Variants in SLC39A12 observed in about 807,000 individuals in gnomAD.
The protein encoded by SLC39A12 is zinc transporter ZIP12.
A neutral mutation model predicts 71.1 loss-of-function variants in SLC39A12; 63 were observed. That is an observed-to-expected ratio of 0.89 (90% CI 0.72 to 1.09). SLC39A12 has a LOEUF of 1.09. Ranked by LOEUF, SLC39A12 falls within the 50% of genes least tolerant of loss-of-function variation. SLC39A12 has a pLI of 0.00. For synonymous variants in SLC39A12, 351 were observed against 301.3 expected, an observed-to-expected ratio of 1.16 and a Z score of -1.71; for missense variants, 892 against 812.6, an observed-to-expected ratio of 1.10 and a Z score of -1.19.
chr10:17,986,980 G>A (rs1835415319), intron 6 of SLC39A12, among the ~76,000 whole-genome samples: 1 of 152,106 alleles, frequency 6.6e-6, no homozygotes, highest in Non-Finnish European at 1.5e-5. Context: ...ACCCCAGCTT[G>A]AGCAGCAGAG....
chr10:17,962,557 T>A (rs1564639052), intron 3 of SLC39A12, among the ~76,000 whole-genome samples: 1 of 152,124 alleles, frequency 6.6e-6, no homozygotes, highest in Non-Finnish European at 1.5e-5. Flanking sequence ...CGGGTTTTTT[T>A]TTTTTTAAAG....
chr10:18,033,072 T>C (rs1836896353), intron 12 of SLC39A12, among the ~76,000 whole-genome samples: 1 of 150,912 alleles, frequency 6.6e-6, no homozygotes, highest in Non-Finnish European at 1.5e-5. Flanking sequence ...TTGAGGATTT[T>C]TGCATCAATG....
intron 12 of SLC39A12, among the ~76,000 whole-genome samples, chr10:18,025,082 T>C (rs1836638072): frequency 6.6e-6 from 1 of 152,204 alleles, no homozygotes. Flanking sequence ...ACTGTTATAG[T>C]GATTGCTTAG....
intron 12 of SLC39A12, among the ~76,000 whole-genome samples, chr10:18,029,454 A>G (rs770685246): frequency 6.6e-6 from 1 of 152,134 alleles, no homozygotes; most frequent in African/African-American, 2.4e-5. Context: ...CTTTGCACCT[A>G]CTGATTTAGG....
chr10:18,013,324 A>G (rs947514300), intron 12 of SLC39A12, among the ~76,000 whole-genome samples: 5 of 147,834 alleles, frequency 3.4e-5, no homozygotes, highest in Non-Finnish European at 6.0e-5. Flanking sequence ...TATATATGGT[A>G]TTAGGTAAAC....
intron 10 of SLC39A12, among the ~76,000 whole-genome samples, chr10:17,999,022 T>A (rs941273869): frequency 2.6e-4 from 40 of 152,016 alleles, no homozygotes. Flanking sequence ...TTAGGCCAGG[T>A]GCAGTGGCTA....
At chr10:18,026,593 C>A (rs976112512) in intron 12 of SLC39A12, among the ~76,000 whole-genome samples, 2 of 152,042 alleles carry the variant, frequency 1.3e-5, no homozygotes, top group East Asian at 3.8e-4. Context: ...TGGAGAAATT[C>A]TCAGTATTGT....
chr10:18,040,718 G>A (rs547704311), intron 12 of SLC39A12, among the ~76,000 whole-genome samples: 332 of 147,122 alleles, frequency 2.3e-3, no homozygotes, highest in Non-Finnish European at 3.9e-3. Flanking sequence ...GCAGTGAGCC[G>A]AGATCATGCC....
chr10:18,030,840 T>A (rs1469395672), intron 12 of SLC39A12, among the ~76,000 whole-genome samples: 2 of 127,552 alleles, frequency 1.6e-5, no homozygotes, highest in Non-Finnish European at 3.2e-5. Flanking sequence ...ATATTCCCCT[T>A]CCTGTGTCCA....
chr10:17,982,573 C>T (rs1467685823), intron 6 of SLC39A12, among the ~76,000 whole-genome samples: 2 of 152,062 alleles, frequency 1.3e-5, no homozygotes, highest in African/African-American at 2.4e-5. Context: ...AACAAAAACA[C>T]GCCAGGCCTA....
At chr10:18,001,696 G>A (rs1321315891) in intron 11 of SLC39A12, 1 of 152,006 alleles carries the variant, frequency 6.6e-6, no homozygotes, top group African/African-American at 2.4e-5. Flanking sequence ...ATTTTTGTGG[G>A]TACATAGTGG....
At chr10:17,991,399 C>A (rs1475057827) in intron 8 of SLC39A12, 96 bp downstream of exon 8, 7 of 1,017,104 alleles carry the variant, frequency 6.9e-6, no homozygotes, top group African/African-American at 1.7e-5. Flanking sequence ...ATGAAGTTGC[C>A]TGTGTAAGGG....
chr10:18,037,452 A>T (rs1037716236), intron 12 of SLC39A12, among the ~76,000 whole-genome samples: 2 of 152,172 alleles, frequency 1.3e-5, no homozygotes, highest in African/African-American at 4.8e-5. Context: ...TATGTTCACT[A>T]CAGTTAGGAG....
At chr10:17,989,535 T>C (rs1239178700) in intron 7 of SLC39A12, among the ~76,000 whole-genome samples, 3 of 152,172 alleles carry the variant, frequency 2.0e-5, no homozygotes, top group Non-Finnish European at 4.4e-5. Flanking sequence ...GAAGGTGGAC[T>C]TGAGGATGGG....
At chr10:17,978,830 TG>T (rs1450797621) in intron 5 of SLC39A12, among the ~76,000 whole-genome samples, 1 of 152,176 alleles carries the variant, frequency 6.6e-6, no homozygotes, top group Non-Finnish European at 1.5e-5. Flanking sequence ...TTGAGGACTC[TG>T]CCTATATTAT....
At chr10:18,037,610 T>A (rs923251455) in intron 12 of SLC39A12, among the ~76,000 whole-genome samples, 2 of 146,418 alleles carry the variant, frequency 1.4e-5, no homozygotes, top group East Asian at 2.1e-4. Flanking sequence ...AGGGGGGAAA[T>A]ATATATGTAA....
At chr10:18,018,994 G>A (rs1836458129) in intron 12 of SLC39A12, among the ~76,000 whole-genome samples, 1 of 152,120 alleles carries the variant, frequency 6.6e-6, no homozygotes, top group African/African-American at 2.4e-5. Context: ...GTTTGGTAAA[G>A]TTCATTGGTG....
intron 12 of SLC39A12, among the ~76,000 whole-genome samples, chr10:18,042,184 C>G (rs902813392): frequency 2.6e-5 from 4 of 152,054 alleles, no homozygotes; most frequent in African/African-American, 9.7e-5. Flanking sequence ...CATTTTAAGA[C>G]TTCTACCAAA....
chr10:17,986,579 C>T (rs1835403559), intron 6 of SLC39A12, among the ~76,000 whole-genome samples: 1 of 152,206 alleles, frequency 6.6e-6, no homozygotes, highest in Non-Finnish European at 1.5e-5. Context: ...CTCCCAAAGG[C>T]CTCACTTCCT....
Sources: gnomAD v4.1 joint callset for allele counts (sites outside exome capture counted in the v4.1 genomes callset) on GRCh38, gnomAD v4.1.1 for gene constraint, MANE v1.5 for transcripts, NCBI Gene and HGNC (gene_info 2026-07-23, HGNC 2026-07-21) for gene names.